The following HSPA12A variants were observed in gnomAD, a reference collection of about 807,000 sequenced individuals.
HSPA12A encodes the protein heat shock protein family A (Hsp70) member 12A.
In HSPA12A, 28 loss-of-function variants were observed where a neutral mutation model predicts 69.2. The ratio of observed to expected loss-of-function variants is 0.40; its 90% CI spans 0.30 to 0.55. HSPA12A has a LOEUF of 0.55. HSPA12A is among the 20% of genes least tolerant of loss of function. HSPA12A has a pLI of 0.38. For synonymous variants in HSPA12A, 345 were observed against 370.5 expected (o/e 0.93, Z 0.79); for missense variants, 686 against 900.7 (o/e 0.76, Z 3.05).
intron 2 of HSPA12A, among the ~76,000 whole-genome samples, chr10:116,763,356 C>CA (rs1375813078): frequency 6.6e-6 from 1 of 152,164 alleles, no homozygotes; most frequent in Non-Finnish European, 1.5e-5. Context: ...ACCGGTGAAA[C>CA]ACGATCATTT....
rs540565223 is a variant in HSPA12A, at chr10:116,824,657, T to C, written c.91+10278A>G. Among the ~76,000 whole-genome samples, 58 of 152,296 alleles carry C rather than the reference T, an allele frequency of 3.8e-4. No individual in the cohort carries two copies. The South Asian group carries it at 0.012, about 31-fold the overall frequency. The stretch of plus-strand genomic sequence containing the variant: ...GTTTGTTTGTTTGTTTATTTTGAGA[T>C]GGAGTCTTGCTCTGTCACCCAGGCT... On this transcript the variant is annotated intron_variant, in intron 2 of 12. Transcript: ENST00000635765.
At chr10:116,753,229 A>C (rs1215540560) in intron 2 of HSPA12A, among the ~76,000 whole-genome samples, 2 of 152,182 alleles carry the variant, frequency 1.3e-5, no homozygotes, top group Non-Finnish European at 2.9e-5. Context: ...CAGTGGGGCC[A>C]GGATGGTCAG....
chr10:116,747,482 G>T (rs1245653175), upstream of HSPA12A, among the ~76,000 whole-genome samples: 1 of 152,194 alleles, frequency 6.6e-6, no homozygotes, highest in Non-Finnish European at 1.5e-5. Flanking sequence ...TCTCAAGGAG[G>T]ACAATGCAAA....
At chr10:116,692,123 C>T (rs545393071) in intron 6 of HSPA12A, among the ~76,000 whole-genome samples, 11 of 152,324 alleles carry the variant, frequency 7.2e-5, no homozygotes, top group East Asian at 3.9e-4. Context: ...GGAAGGAAAC[C>T]GAACCCAGCT....
chr10:116,768,873 C>A (rs1157415289), intron 2 of HSPA12A, among the ~76,000 whole-genome samples: 1 of 152,118 alleles, frequency 6.6e-6, no homozygotes, highest in Admixed American at 6.5e-5. Flanking sequence ...CCCCCTATTG[C>A]AGGGCCAGCT....
At chr10:116,811,492 A>G (rs1845182313) in intron 2 of HSPA12A, among the ~76,000 whole-genome samples, 1 of 150,340 alleles carries the variant, frequency 6.7e-6, no homozygotes, top group Non-Finnish European at 1.5e-5. Flanking sequence ...CCCTCACACC[A>G]AAGGCAAGGC....
At chr10:116,706,672 C>A (rs1015830417) in intron 2 of HSPA12A, among the ~76,000 whole-genome samples, 27 of 152,186 alleles carry the variant, frequency 1.8e-4, no homozygotes, top group African/African-American at 6.5e-4. Context: ...TCATACAGGG[C>A]AGGGTGGGAG....
intron 2 of HSPA12A, among the ~76,000 whole-genome samples, chr10:116,807,037 G>A (rs1260728264): frequency 1.3e-5 from 2 of 152,224 alleles, no homozygotes; most frequent in Non-Finnish European, 2.9e-5. Context: ...GAGTGATGCA[G>A]ACGTCAGCCA....
intron 4 of HSPA12A, among the ~76,000 whole-genome samples, chr10:116,699,494 G>A (rs1217025644): frequency 9.2e-6 from 1 of 108,610 alleles, no homozygotes; most frequent in Non-Finnish European, 2.0e-5. Flanking sequence ...TACTGCCAGG[G>A]GGAAAAAAAT....
chr10:116,733,905 A>G (rs1391329746), intron 1 of HSPA12A, among the ~76,000 whole-genome samples: 1 of 152,234 alleles, frequency 6.6e-6, no homozygotes, highest in Non-Finnish European at 1.5e-5. Context: ...ATTGTAAGTC[A>G]AGGAGCATCT....
At position 116,673,804 on chromosome 10, in the gene HSPA12A, A is replaced by C. The variant is rs1231492101; in HGVS notation, c.*977T>G. ...GTATTCCTTTCAAAATGTGGAATTA[A>C]ATGGCCAAAACTCTTAGGGAGATGA... On this transcript the variant is annotated 3_prime_UTR_variant, in exon 12 of 12. Transcript: ENST00000369209. The C allele has an allele frequency of 6.6e-6, 1 of 152,232 alleles. No individual in the cohort carries two copies. The highest frequency in any genetic ancestry group is 2.4e-5 in the African/African-American group (1 of 41,458). The allele number at this position is 152,232 out of a possible 1,614,324, so 9.4% of individuals were successfully genotyped here. A position where few individuals can be genotyped will look rare whatever the true frequency, so the allele number is the denominator to read the frequency against.
At chr10:116,769,421 T>C (rs1027056806) in intron 2 of HSPA12A, among the ~76,000 whole-genome samples, 2 of 152,192 alleles carry the variant, frequency 1.3e-5, no homozygotes, top group African/African-American at 4.8e-5. Context: ...TAGACCCCTA[T>C]GGTCTCCCAT....
Position 116,678,348 on chromosome 10 carries a change from C to CAAAAA in HSPA12A, c.1286+1150_1286+1154dup, listed in dbSNP as rs55780024. On this transcript the variant is annotated intron_variant, in intron 10 of 11. Coordinates refer to ENST00000369209, the MANE Select transcript of HSPA12A (RefSeq NM_025015.3). ...ACCTCTAAGTCCATCTGCCAACTTG[C>CAAAAA]AAAAAAAAAAAAAAAAAAAAAAAAG... Among the ~76,000 whole-genome samples, 24 of 59,312 alleles carry CAAAAA rather than the reference C, an allele frequency of 4.0e-4. 1 individual carries two copies. The highest frequency in any genetic ancestry group is 9.0e-4 in the Admixed American group (3 of 3,328). The allele number at this position is 59,312 out of a possible 152,430, so 38.9% of individuals were successfully genotyped here.
chr10:116,845,296 T>G (rs1242456363), intron 1 of HSPA12A, among the ~76,000 whole-genome samples: 1 of 152,180 alleles, frequency 6.6e-6, no homozygotes, highest in Non-Finnish European at 1.5e-5. Flanking sequence ...ATTTTGTTAT[T>G]GTTGTTAAAA....
intron 6 of HSPA12A, among the ~76,000 whole-genome samples, 198 bp downstream of exon 6, chr10:116,692,153 C>G (rs949738988): frequency 6.6e-6 from 1 of 152,170 alleles, no homozygotes; most frequent in Non-Finnish European, 1.5e-5. Context: ...GGACTGACCC[C>G]CATGGCTCCC....
intron 2 of HSPA12A, among the ~76,000 whole-genome samples, chr10:116,804,311 G>A (rs968889079): frequency 3.9e-5 from 6 of 152,176 alleles, no homozygotes; most frequent in Non-Finnish European, 8.8e-5. Context: ...CCATGGTTAG[G>A]GGAACTGAGG....
At chr10:116,709,892 T>C (rs1055665612) in intron 1 of HSPA12A, among the ~76,000 whole-genome samples, 57 of 152,192 alleles carry the variant, frequency 3.7e-4, no homozygotes, top group African/African-American at 1.4e-3. Flanking sequence ...ATTGAAAAGT[T>C]TAAATCAACT....
chr10:116,750,546 A>G, intron 2 of HSPA12A: 1 of 387,336 alleles, frequency 2.6e-6, no homozygotes, highest in Admixed American at 3.3e-5. Flanking sequence ...GAAGAAGATG[A>G]AGATGCTTAC....
chr10:116,700,371 T>C (rs922257552), intron 4 of HSPA12A, among the ~76,000 whole-genome samples: 6 of 152,236 alleles, frequency 3.9e-5, no homozygotes, highest in Non-Finnish European at 8.8e-5. Context: ...AGGTGTCTTA[T>C]GGAACACTGG....
Sources: allele counts gnomAD v4.1 joint callset (sites outside exome capture counted in the v4.1 genomes callset), GRCh38; gene constraint gnomAD v4.1.1; transcripts MANE v1.5; gene names NCBI Gene and HGNC (gene_info 2026-07-23, HGNC 2026-07-21).